IL1RAPL1: variants seen among roughly 807,000 people sequenced by gnomAD.
IL1RAPL1 encodes interleukin 1 receptor accessory protein like 1, also known as interleukin-1 receptor accessory protein-like 1.
A neutral mutation model predicts 48.4 loss-of-function variants in IL1RAPL1; 3 were observed. The observed-to-expected ratio is 0.06, with a 90% CI of 0.03 to 0.16. IL1RAPL1 has a LOEUF of 0.16. IL1RAPL1 is among the 10% of genes least tolerant of loss of function. IL1RAPL1 has a pLI of 1.00. For missense variants in IL1RAPL1, 349 were observed against 530.6 expected (o/e 0.66, Z 3.36); for synonymous variants, 185 against 187.7 (o/e 0.99, Z 0.12).
chrX:28,959,982 A>T lies in IL1RAPL1; in HGVS notation c.82+170557A>T, dbSNP rs553074915. Among the ~76,000 whole-genome samples, 83 of 112,069 alleles carry T rather than the reference A, an allele frequency of 7.4e-4. No individual in the cohort carries two copies. The South Asian group carries it at 0.031, about 42-fold the overall frequency. On this transcript the variant is annotated intron_variant, in intron 2 of 10. Transcript: ENST00000378993. ...TACATATGTTTATACCATGGCTCAA[A>T]TGGAGAGAAGAGGACCCAGGTAACA...
intron 2 of IL1RAPL1, among the ~76,000 whole-genome samples, chrX:29,079,739 A>T (rs1355980946): frequency 9.1e-6 from 1 of 110,354 alleles, no homozygotes; most frequent in Admixed American, 9.7e-5. Flanking sequence ...TGAAAAGTAC[A>T]TTTTTTTCTG....
intron 2 of IL1RAPL1, among the ~76,000 whole-genome samples, chrX:29,245,411 A>G (rs55897991): frequency 0.067 from 7,422 of 110,936 alleles, 644 homozygotes; most frequent in African/African-American, 0.23. Flanking sequence ...AAGCATTCCT[A>G]TTTCTCCACA....
Position 28,733,068 on chromosome X carries a change from G to A in IL1RAPL1, c.-24-56252G>A, listed in dbSNP as rs749365049. Among the ~76,000 whole-genome samples the A allele has an allele frequency of 6.2e-4, 68 of 109,683 alleles. 1 individual carries two copies. The highest frequency in any genetic ancestry group is 1.1e-3 in the Non-Finnish European group (56 of 52,821). On this transcript the variant is annotated intron_variant, in intron 1 of 10. Coordinates refer to ENST00000378993, the MANE Select transcript of IL1RAPL1 (RefSeq NM_014271.4). ...CTAATAGTAGTGACTATTTCATAGA[G>A]TGGTTGTAACAATTTATTATACAGG... is the stretch of plus-strand genomic sequence containing the variant.
At chrX:28,955,156 A>T (rs1470212594) in intron 2 of IL1RAPL1, among the ~76,000 whole-genome samples, 1 of 111,730 alleles carries the variant, frequency 9.0e-6, no homozygotes, top group East Asian at 2.8e-4. Context: ...TAAAATAATG[A>T]AATATAGACT....
intron 1 of IL1RAPL1, among the ~76,000 whole-genome samples, chrX:28,686,992 G>C (rs1935118129): frequency 8.9e-6 from 1 of 111,900 alleles, no homozygotes; most frequent in Non-Finnish European, 1.9e-5. Flanking sequence ...TGGATTTTTA[G>C]AGCTTATAAA....
chrX:29,122,864 G>GC (rs1433432753), intron 2 of IL1RAPL1, among the ~76,000 whole-genome samples: 1 of 110,476 alleles, frequency 9.1e-6, no homozygotes, highest in African/African-American at 3.3e-5. Flanking sequence ...CTTTCTTACT[G>GC]CCTAGTCATA....
At chrX:28,626,311 A>G (rs775451333) in intron 1 of IL1RAPL1, among the ~76,000 whole-genome samples, 2 of 112,550 alleles carry the variant, frequency 1.8e-5, no homozygotes, top group Admixed American at 9.4e-5. Flanking sequence ...AACATAAAGA[A>G]AAGCTAGAAA....
chrX:29,192,379 T>G (rs1930368474), intron 2 of IL1RAPL1, among the ~76,000 whole-genome samples: 2 of 112,315 alleles, frequency 1.8e-5, no homozygotes, highest in Admixed American at 1.9e-4. Context: ...AGTGTGCATT[T>G]TGGTGGCCCC....
chrX:29,894,870 C>T (rs1187522823), intron 6 of IL1RAPL1, among the ~76,000 whole-genome samples: 1 of 110,330 alleles, frequency 9.1e-6, no homozygotes, highest in Non-Finnish European at 1.9e-5. Flanking sequence ...GCTCTACCAC[C>T]CAGGCTGGAG....
At chrX:29,826,327 C>T (rs1930739416) in intron 6 of IL1RAPL1, among the ~76,000 whole-genome samples, 1 of 111,470 alleles carries the variant, frequency 9.0e-6, no homozygotes, top group South Asian at 3.7e-4. Flanking sequence ...GGACATAACC[C>T]CAAGAATTTC....
chrX:29,855,370 C>T (rs933050781), intron 6 of IL1RAPL1, among the ~76,000 whole-genome samples: 5 of 111,877 alleles, frequency 4.5e-5, no homozygotes, highest in African/African-American at 1.6e-4. Flanking sequence ...GCACACAGAA[C>T]GGGAGAGAAA....
intron 2 of IL1RAPL1, among the ~76,000 whole-genome samples, chrX:28,966,783 T>C (rs1462752993): frequency 8.9e-6 from 1 of 112,027 alleles, no homozygotes; most frequent in Non-Finnish European, 1.9e-5. Context: ...CAGTTACAGC[T>C]GATTTGAGGT....
At position 29,586,786 on chromosome X, in the gene IL1RAPL1, G is replaced by T. The variant is rs1355198711; in HGVS notation, c.704-81644G>T. ...TATTCCTAAGTATTTTGTTGTTTTTGGTGCTAATGTAAATGGGATTATTTT... is the reference window on the plus strand; with the variant it reads ...TATTCCTAAGTATTTTGTTGTTTTTTGTGCTAATGTAAATGGGATTATTTT... On this transcript the variant is annotated intron_variant, in intron 5 of 10. Transcript: ENST00000378993. 2.7e-5 allele frequency among the ~76,000 whole-genome samples: 3 copies of T among 110,497 alleles called. No homozygotes were observed. In the East Asian group the frequency reaches 8.5e-4, roughly 31 times the overall value.
At chrX:29,105,647 G>A (rs764369255) in intron 2 of IL1RAPL1, among the ~76,000 whole-genome samples, 11 of 112,089 alleles carry the variant, frequency 9.8e-5, no homozygotes, top group Non-Finnish European at 1.9e-4. Context: ...TTCTGGGACA[G>A]CTCAGTCATC....
intron 2 of IL1RAPL1, among the ~76,000 whole-genome samples, chrX:29,100,167 G>A (rs771358824): frequency 1.3e-3 from 143 of 111,529 alleles, no homozygotes; most frequent in South Asian, 6.0e-3. Flanking sequence ...AGCCAAGATC[G>A]TGCCACTGCC....
chrX:29,642,668 C>G (rs964095546), intron 5 of IL1RAPL1, among the ~76,000 whole-genome samples: 1 of 112,581 alleles, frequency 8.9e-6, no homozygotes, highest in Non-Finnish European at 1.9e-5. Context: ...CAAATGTGCT[C>G]AGACAATGAT....
At chrX:29,705,771 C>T (rs969160902) in intron 6 of IL1RAPL1, among the ~76,000 whole-genome samples, 3 of 111,918 alleles carry the variant, frequency 2.7e-5, no homozygotes, top group African/African-American at 9.8e-5. Context: ...GTACTTGATA[C>T]CTATGTGGAA....
intron 6 of IL1RAPL1, among the ~76,000 whole-genome samples, chrX:29,882,328 C>T (rs748034786): frequency 2.7e-5 from 3 of 111,446 alleles, no homozygotes; most frequent in South Asian, 3.7e-4. Context: ...AGTATAAGTT[C>T]GGGTACTAGT....
At chrX:29,155,664 T>A (rs1424793574) in intron 2 of IL1RAPL1, among the ~76,000 whole-genome samples, 1 of 112,018 alleles carries the variant, frequency 8.9e-6, no homozygotes, top group Non-Finnish European at 1.9e-5. Flanking sequence ...CACTGGTCTT[T>A]CCTTTAAATA....
Sources: allele counts gnomAD v4.1 joint callset (sites outside exome capture counted in the v4.1 genomes callset), GRCh38; gene constraint gnomAD v4.1.1; transcripts MANE v1.5; gene names NCBI Gene and HGNC (gene_info 2026-07-23, HGNC 2026-07-21).